The following KIF21A variants were observed in gnomAD, a reference collection of about 807,000 sequenced individuals.
KIF21A encodes the protein kinesin-like protein KIF21A.
In KIF21A, 114 loss-of-function variants were observed where a neutral mutation model predicts 202.9. The observed-to-expected ratio is 0.56, with a 90% confidence interval of 0.48 to 0.66. The LOEUF (loss-of-function observed/expected upper bound fraction) is 0.66. KIF21A is among the 30% of genes least tolerant of loss of function. The probability of loss-of-function intolerance (pLI) is 0.00; values close to 1 mark genes in which losing one functional copy is unlikely to be tolerated. For synonymous variants in KIF21A, 667 were observed against 670.8 expected, an observed-to-expected ratio of 0.99 and a Z score of 0.09; for missense variants, 1,677 against 1,994.9, an observed-to-expected ratio of 0.84 and a Z score of 3.04.
intron 1 of KIF21A, among the ~76,000 whole-genome samples, chr12:39,417,615 A>G (rs1271632374): frequency 1.3e-5 from 2 of 152,156 alleles, no homozygotes; most frequent in Non-Finnish European, 2.9e-5. Context: ...CAACAAAGCA[A>G]TACCAATAAC....
At chr12:39,335,787 C>T (rs1946912037) in intron 17 of KIF21A, among the ~76,000 whole-genome samples, 1 of 151,834 alleles carries the variant, frequency 6.6e-6, no homozygotes, top group African/African-American at 2.4e-5. Context: ...TTTTAAATGC[C>T]CAGGAATTAA....
intron 1 of KIF21A, among the ~76,000 whole-genome samples, chr12:39,399,640 T>C (rs1952017655): frequency 6.6e-6 from 1 of 152,116 alleles, no homozygotes; most frequent in Admixed American, 6.6e-5. Flanking sequence ...ACATCTTCTC[T>C]CCCCCAAGTA....
At chr12:39,335,410 CAAAAAAAAAAA>C (rs1033088626) in intron 17 of KIF21A, among the ~76,000 whole-genome samples, 3 of 61,964 alleles carry the variant, frequency 4.8e-5, no homozygotes, top group African/African-American at 1.1e-4. Flanking sequence ...GACTCTGTCT[CAAAAAAAAAAA>C]AAAAAAAAAA....
intron 1 of KIF21A, among the ~76,000 whole-genome samples, chr12:39,409,635 A>G (rs1269769426): frequency 6.6e-6 from 1 of 152,076 alleles, no homozygotes; most frequent in African/African-American, 2.4e-5. Context: ...CAGCCCCAAA[A>G]TGGCCATGCC....
intron 3 of KIF21A, among the ~76,000 whole-genome samples, chr12:39,368,852 C>A (rs879326974): frequency 4.6e-5 from 7 of 152,032 alleles, no homozygotes; most frequent in Admixed American, 3.9e-4. Context: ...ACTAAATTCT[C>A]TTTGCACCAA....
rs141990335 is a variant in KIF21A, at chr12:39,302,430, C to A, written c.4731+535G>T. Among the ~76,000 whole-genome samples the A allele has an allele frequency of 2.2e-3, 332 of 152,252 alleles. 2 individuals carry two copies. The highest frequency in any genetic ancestry group is 3.5e-3 in the East Asian group (18 of 5,182). ...ATAAGGAAAAACTTGAAAAGAATTT[C>A]ATCTGTTAACTAATTTCTTTTCCAG... On this transcript the variant is annotated intron_variant, in intron 36 of 37. Coordinates refer to ENST00000361418, the MANE Select transcript of KIF21A (RefSeq NM_001173464.2).
In KIF21A at chr12:39,408,743, C is replaced by T. The variant is rs113584616; in HGVS notation, c.44+34184G>A. On this transcript the variant is annotated intron_variant, in intron 1 of 37. Transcript: ENST00000361418. The stretch of plus-strand genomic sequence containing the variant: ...AGGGAGAAGTGGGATGCTCTCAACA[C>T]ATAACACATGTATAATTAGAGTCCC... Among the ~76,000 whole-genome samples the T allele has an allele frequency of 6.6e-3, 996 of 151,838 alleles. 13 individuals are homozygous for T. The highest frequency in any genetic ancestry group is 0.023 in the African/African-American group (951 of 41,436).
intron 6 of KIF21A, 32 bp downstream of exon 6, chr12:39,366,318 G>A (rs373867252): frequency 6.3e-7 from 1 of 1,585,750 alleles, no homozygotes; most frequent in Admixed American, 1.7e-5. Context: ...GAAAAGCTCT[G>A]ATATATTCTC....
chr12:39,441,660 T>TAAAAAAAAAAAAAAAAAAA (rs56245570), intron 1 of KIF21A, among the ~76,000 whole-genome samples: 719 of 37,580 alleles, frequency 0.019, 128 homozygotes, highest in East Asian at 0.025. Flanking sequence ...CCCTGGGTGG[T>TAAAAAAAAAAAAAAAAAAA]AAAAAAAAAA....
chr12:39,388,360 G>A (rs1359950109), intron 1 of KIF21A, among the ~76,000 whole-genome samples: 3 of 152,142 alleles, frequency 2.0e-5, no homozygotes, highest in African/African-American at 7.2e-5. Flanking sequence ...CTCACCAGAA[G>A]CAATGCTTCT....
Position 39,294,489 on chromosome 12 carries a change from G to A in KIF21A, c.4960C>T (p.Arg1654Cys), listed in dbSNP as rs376346007. The change falls in exon 38 of 38, where the codon CGC (arginine) becomes TGC (cysteine). Residue 1654 changes from arginine (R) to cysteine (C), a missense_variant. Physicochemically the swap from Arg to Cys is radical, Grantham distance 180. This residue lies in a region of KIF21A where 705 missense variants were observed against 791.9 expected (regional missense o/e 0.89). Transcript: ENST00000361418. ...DDRTVRIWKA[R>C]NLQDGQISDT... is the part of the protein sequence containing the mutation. ...GAGATCTGACCATCTTGCAAATTGC[G>A]AGCCTTCCAAATTCTCACAGTTCGA... is the stretch of plus-strand genomic sequence containing the variant. 13 of 1,613,510 alleles carry A rather than the reference G, an allele frequency of 8.1e-6. No individual in the cohort carries two copies. Among genetic ancestry groups the A allele is most frequent in the Middle Eastern group, 1.6e-4 (1 of 6,080 alleles).
At position 39,347,236 on chromosome 12, in the gene KIF21A, C is replaced by CA. The variant is rs899673466; in HGVS notation, c.1674-733dup. 7.3e-3 allele frequency among the ~76,000 whole-genome samples: 909 copies of CA among 124,832 alleles called. 4 individuals are homozygous for CA. Among genetic ancestry groups the CA allele is most frequent in the African/African-American group, 0.017 (570 of 33,652 alleles). 81.9% of individuals were successfully genotyped at this position (124,832 alleles called of 152,430 possible). A position where few individuals can be genotyped will look rare whatever the true frequency, so the allele number is the denominator to read the frequency against. On this transcript the variant is annotated intron_variant, in intron 11 of 37. Coordinates refer to ENST00000361418, the MANE Select transcript of KIF21A (RefSeq NM_001173464.2). Reference sequence around the variant, plus strand: ...GGGCATATCTATAAAGCAACAGTGGCAAAAAAAAAAGGGGGGTGGGGAGAA... The same window carrying CA: ...GGGCATATCTATAAAGCAACAGTGGCAAAAAAAAAAAGGGGGGTGGGGAGAA...
At chr12:39,337,359 T>C (rs1947069087) in intron 16 of KIF21A, 156 bp from the exon 17 acceptor site, 1 of 627,456 alleles carries the variant, frequency 1.6e-6, no homozygotes, top group African/African-American at 1.8e-5. Context: ...CTTATTTCTG[T>C]GGGATTCATA....
chr12:39,385,657 G>A (rs975205983), intron 1 of KIF21A, among the ~76,000 whole-genome samples: 1 of 152,126 alleles, frequency 6.6e-6, no homozygotes, highest in African/African-American at 2.4e-5. Flanking sequence ...TTTCCAGTTT[G>A]AGAGTACATT....
At chr12:39,404,867 G>A (rs1031724107) in intron 1 of KIF21A, among the ~76,000 whole-genome samples, 12 of 152,106 alleles carry the variant, frequency 7.9e-5, no homozygotes, top group African/African-American at 2.9e-4. Flanking sequence ...TACTATTTCA[G>A]CAGTATCAAT....
At chr12:39,441,235 A>G (rs1364464535) in intron 1 of KIF21A, among the ~76,000 whole-genome samples, 3 of 152,182 alleles carry the variant, frequency 2.0e-5, no homozygotes, top group African/African-American at 4.8e-5. Flanking sequence ...ATCAGTCAGC[A>G]TCACTTTAGG....
chr12:39,298,074 T>C (rs1269112491), intron 37 of KIF21A, among the ~76,000 whole-genome samples: 1 of 152,048 alleles, frequency 6.6e-6, no homozygotes, highest in Admixed American at 6.6e-5. Flanking sequence ...ACAAAATTTA[T>C]GGAGCAGCTG....
intron 17 of KIF21A, among the ~76,000 whole-genome samples, chr12:39,333,674 T>C (rs1209621139): frequency 6.6e-6 from 1 of 152,166 alleles, no homozygotes; most frequent in Non-Finnish European, 1.5e-5. Context: ...AATAGAGTCA[T>C]CTTATAATAT....
intron 1 of KIF21A, among the ~76,000 whole-genome samples, chr12:39,426,329 G>A (rs372156430): frequency 2.7e-4 from 41 of 152,304 alleles, no homozygotes; most frequent in African/African-American, 7.9e-4. Context: ...ACATGTACAC[G>A]CATGTATGCG....
Sources: allele counts gnomAD v4.1 joint callset (sites outside exome capture counted in the v4.1 genomes callset), GRCh38; gene constraint gnomAD v4.1.1; regional missense constraint gnomAD v4.1.1; transcripts MANE v1.5; gene names NCBI Gene and HGNC (gene_info 2026-07-23, HGNC 2026-07-21).